MGRN1: variants seen among roughly 807,000 people sequenced by gnomAD.
The protein encoded by MGRN1 is E3 ubiquitin-protein ligase MGRN1.
Under a neutral mutation model 69.2 loss-of-function variants are expected in MGRN1, and 29 were observed. The observed-to-expected ratio is 0.42, with a 90% CI of 0.31 to 0.57. The LOEUF is 0.57. Ranked by LOEUF, MGRN1 falls within the 20% of genes least tolerant of loss-of-function variation. The pLI is 0.15. For synonymous variants in MGRN1, 470 were observed against 344.2 expected (o/e 1.37, Z -4.04); for missense variants, 998 against 796.2 (o/e 1.25, Z -3.05).
At chr16:4,643,057 G>C (rs1232506116) in intron 1 of MGRN1, among the ~76,000 whole-genome samples, 1 of 152,094 alleles carries the variant, frequency 6.6e-6, no homozygotes, top group Non-Finnish European at 1.5e-5. Flanking sequence ...CCAAGTTCAA[G>C]CGATTCTCGT....
intron 1 of MGRN1, chr16:4,640,084 C>T (rs753460702): frequency 2.6e-5 from 4 of 152,382 alleles, no homozygotes; most frequent in Non-Finnish European, 4.4e-5. Flanking sequence ...TGGCTTGTTT[C>T]AGTGATTCGG....
At chr16:4,672,525 A>G (rs2078961951) in intron 9 of MGRN1, 2 of 449,788 alleles carry the variant, frequency 4.4e-6, no homozygotes, top group African/African-American at 2.0e-5. Flanking sequence ...AAGTCAGTGC[A>G]TTCATGTTTC....
Position 4,686,367 on chromosome 16 carries a change from C to G in MGRN1, c.1619-2429C>G, listed in dbSNP as rs2141989266. 3 of 1,523,652 alleles carry G rather than the reference C, an allele frequency of 2.0e-6. No homozygotes were observed. In the South Asian group the frequency reaches 3.7e-5, roughly 19 times the overall value. The allele number at this position is 1,523,652 out of a possible 1,614,324, so 94.4% of individuals were successfully genotyped here. Reference sequence around the variant, plus strand: ...CGCGTCCTTGGAGAGAGGAGCCCTCCCCTGCTCTCTGGCGGGGGTTCCTTC... The same window carrying G: ...CGCGTCCTTGGAGAGAGGAGCCCTCGCCTGCTCTCTGGCGGGGGTTCCTTC... On this transcript the variant is annotated intron_variant, in intron 16 of 16. Transcript: ENST00000262370.
Position 4,683,861 on chromosome 16 carries a change from T to A in MGRN1, c.1547T>A (p.Ile516Asn). 1 of 1,612,726 alleles carries A rather than the reference T, an allele frequency of 6.2e-7. No individual in the cohort carries two copies. Residue 516 changes from isoleucine to asparagine, a missense_variant, in exon 16 of 17, where the codon ATT becomes AAT. Coordinates refer to ENST00000262370, the MANE Select transcript of MGRN1 (RefSeq NM_015246.4). ...CCTGCAGGGACCCGAGCAGCTTCCA[T>A]TGAGAATGTCCTGCAGGACAGCAGC... Reference protein sequence around the residue: ...SPQQGTRAASIENVLQDSSPE... With the variant: ...SPQQGTRAASNENVLQDSSPE...
intron 1 of MGRN1, among the ~76,000 whole-genome samples, chr16:4,645,899 G>A (rs1285406821): frequency 2.6e-5 from 4 of 152,202 alleles, no homozygotes; most frequent in South Asian, 2.1e-4. Context: ...ACAGTCACAG[G>A]GCAGATGGTG....
At position 4,651,996 on chromosome 16, in the gene MGRN1, G is replaced by A. The variant is rs751823824; in HGVS notation, c.241G>A (p.Val81Met). ...CGTCACTCCTGCCCCCCACGAGCCCGTGAAGACGCTGCGGAGCCTGGTGAA... is the reference window on the plus strand; with the variant it reads ...CGTCACTCCTGCCCCCCACGAGCCCATGAAGACGCTGCGGAGCCTGGTGAA... ...PYVTPAPHEP[V>M]KTLRSLVNIR... Residue 81 changes from valine (V) to methionine (M), a missense_variant, in exon 3 of 17, where the codon GTG becomes ATG. Transcript: ENST00000262370. 7.4e-6 allele frequency: 12 copies of A among 1,613,972 alleles called. No individual in the cohort carries two copies. Among genetic ancestry groups the A allele is most frequent in the South Asian group, 2.2e-5 (2 of 91,086 alleles).
In MGRN1 at chr16:4,690,650, A is replaced by G. The variant is rs2079436682; in HGVS notation, c.*1742A>G. 1 of 151,962 alleles carries G rather than the reference A, an allele frequency of 6.6e-6. No individual in the cohort carries two copies. The highest frequency in any genetic ancestry group is 2.1e-4 in the South Asian group (1 of 4,824). The allele number at this position is 151,962 out of a possible 1,614,324, so 9.4% of individuals were successfully genotyped here. A position where few individuals can be genotyped will look rare whatever the true frequency, so the allele number is the denominator to read the frequency against. ...CACACATGCTGTCACGCATACACACACGCACATACTCCTGCACATGTTCCC... is the reference window on the plus strand; with the variant it reads ...CACACATGCTGTCACGCATACACACGCGCACATACTCCTGCACATGTTCCC... On this transcript the variant is annotated 3_prime_UTR_variant, in exon 17 of 17. Coordinates refer to ENST00000262370, the MANE Select transcript of MGRN1 (RefSeq NM_015246.4).
intron 5 of MGRN1, among the ~76,000 whole-genome samples, chr16:4,661,232 G>C (rs1475438536): frequency 6.6e-6 from 1 of 152,032 alleles, no homozygotes; most frequent in Non-Finnish European, 1.5e-5. Flanking sequence ...TCGTACCTCG[G>C]CCTCCCAGAG....
chr16:4,677,389 C>A (rs2079076536), intron 10 of MGRN1, 74 bp from the exon 11 acceptor site: 3 of 1,215,820 alleles, frequency 2.5e-6, no homozygotes, highest in African/African-American at 3.1e-5. Flanking sequence ...GGGTGTTGAT[C>A]CCTGGGGCTG....
At chr16:4,627,598 T>C (rs35347839) in intron 1 of MGRN1, among the ~76,000 whole-genome samples, 24,433 of 151,624 alleles carry the variant, frequency 0.16, 1,974 homozygotes, top group South Asian at 0.24. Context: ...CCATCCTGGC[T>C]AACACGGGGA....
intron 1 of MGRN1, among the ~76,000 whole-genome samples, chr16:4,643,049 A>C (rs538595360): frequency 1.3e-5 from 2 of 151,956 alleles, no homozygotes; most frequent in South Asian, 4.2e-4. Flanking sequence ...TCTGCCTCCC[A>C]AGTTCAAGCG....
At chr16:4,677,381 G>A (rs1210859389) in intron 10 of MGRN1, 82 bp from the exon 11 acceptor site, 2 of 1,059,796 alleles carry the variant, frequency 1.9e-6, no homozygotes, top group African/African-American at 1.7e-5. Context: ...TGTGGGGGGG[G>A]TGTTGATCCC....
intron 16 of MGRN1, chr16:4,687,700 C>T (rs757552265): frequency 1.5e-4 from 152 of 985,310 alleles, no homozygotes; most frequent in Admixed American, 3.7e-4. Flanking sequence ...TCTTGGCACA[C>T]AAGCTGCGTG....
chr16:4,641,298 C>G (rs1392125870), intron 1 of MGRN1, among the ~76,000 whole-genome samples: 1 of 152,192 alleles, frequency 6.6e-6, no homozygotes, highest in Non-Finnish European at 1.5e-5. Flanking sequence ...GTCTCCTTCC[C>G]GTGTTTCTTC....
chr16:4,656,914 TAAATAAATAAATAAAC>T (rs1180235333), intron 4 of MGRN1, among the ~76,000 whole-genome samples: 1 of 143,480 alleles, frequency 7.0e-6, no homozygotes, highest in South Asian at 2.1e-4. Flanking sequence ...AATAAATAAA[TAAATAAATAAATAAAC>T]AAACCAACTT....
chr16:4,672,609 T>C, intron 9 of MGRN1: 1 of 373,326 alleles, frequency 2.7e-6, no homozygotes, highest in East Asian at 7.3e-5. Context: ...ATATGGTCTC[T>C]GTTGCACTGA....
intron 12 of MGRN1, chr16:4,681,198 C>T (rs2079174723): frequency 3.3e-6 from 1 of 302,472 alleles, no homozygotes; most frequent in Non-Finnish European, 6.2e-6. Context: ...TTGCTCTGCC[C>T]CCGCTCCCAG....
chr16:4,628,840 C>T (rs1021752802), intron 1 of MGRN1, among the ~76,000 whole-genome samples: 14 of 151,672 alleles, frequency 9.2e-5, no homozygotes, highest in Admixed American at 7.9e-4. Context: ...CCACTATGCC[C>T]AGCCTTTTCT....
Position 4,676,001 on chromosome 16 carries a change from C to T in MGRN1, c.956-1462C>T, listed in dbSNP as rs76604660. Among the ~76,000 whole-genome samples, 627 of 152,328 alleles carry T rather than the reference C, an allele frequency of 4.1e-3. 3 individuals carry two copies. The highest frequency in any genetic ancestry group is 0.014 in the African/African-American group (596 of 41,572). On this transcript the variant is annotated intron_variant, in intron 10 of 16. Coordinates refer to ENST00000262370, the MANE Select transcript of MGRN1 (RefSeq NM_015246.4). ...CTGGCCTGGGTCCTGGCGGTGGGGC[C>T]GGAGCATAGTTGGGGATTTGCCTGC...
Sources: gnomAD v4.1 joint callset for allele counts (sites outside exome capture counted in the v4.1 genomes callset) on GRCh38, gnomAD v4.1.1 for gene constraint, MANE v1.5 for transcripts, NCBI Gene and HGNC (gene_info 2026-07-23, HGNC 2026-07-21) for gene names.